Variants in ALPK3 observed in about 807,000 individuals in gnomAD.
The protein encoded by ALPK3 is alpha kinase 3.
A neutral mutation model predicts 140.0 loss-of-function variants in ALPK3; 102 were observed. That is an observed-to-expected ratio of 0.73 (90% CI 0.62 to 0.86). The LOEUF (loss-of-function observed/expected upper bound fraction) is 0.86, where lower values mean the gene tolerates loss of function less well. Ranked by LOEUF, ALPK3 falls within the 40% of genes least tolerant of loss-of-function variation. ALPK3 has a pLI of 0.00. For synonymous variants in ALPK3, 938 were observed against 898.5 expected (o/e 1.04, Z -0.79); for missense variants, 2,254 against 2,208.2 (o/e 1.02, Z -0.42).
At chr15:84,858,829 G>A (rs577002179) in intron 6 of ALPK3, among the ~76,000 whole-genome samples, 49 of 152,200 alleles carry the variant, frequency 3.2e-4, no homozygotes, top group Admixed American at 2.2e-3. Context: ...CACAGGGCCT[G>A]GCTTTAGTAG....
At chr15:84,850,468 C>T (rs553067635) in intron 5 of ALPK3, among the ~76,000 whole-genome samples, 29 of 152,232 alleles carry the variant, frequency 1.9e-4, no homozygotes, top group Middle Eastern at 3.4e-3. Context: ...ACTGCAGCCT[C>T]GAACTCCTGG....
chr15:84,841,461 C>A lies in ALPK3; in HGVS notation c.1653+529C>A, dbSNP rs578138395. ...TCTGACTGCCTTAACATGGCGTGAT[C>A]TAGAGCAAGTTGTAAAACTGGAAGA... On this transcript the variant is annotated intron_variant, in intron 5 of 13. Coordinates refer to ENST00000258888, the MANE Select transcript of ALPK3 (RefSeq NM_020778.5). Among the ~76,000 whole-genome samples the A allele has an allele frequency of 2.6e-5, 4 of 152,326 alleles. No individual in the cohort carries two copies. The South Asian group carries it at 8.3e-4, about 32-fold the overall frequency.
chr15:84,840,724 G>T lies in ALPK3; in HGVS notation c.1445G>T (p.Arg482Ile), dbSNP rs752241199. 6.2e-7 allele frequency: 1 copy of T among 1,613,834 alleles called. No homozygotes were observed. The highest frequency in any genetic ancestry group is 8.5e-7 in the Non-Finnish European group (1 of 1,179,884). Reference sequence around the variant, plus strand: ...CCGACTAGGCCTTTCAACAGAAAGAGATTTGCCCCTCCAAAGCCCAAAGGA... The same window carrying T: ...CCGACTAGGCCTTTCAACAGAAAGATATTTGCCCCTCCAAAGCCCAAAGGA... ...PQPTRPFNRKRFAPPKPKGEA... is the reference protein window; with the variant it reads ...PQPTRPFNRKIFAPPKPKGEA... The change falls in exon 5 of 14, where the codon AGA becomes ATA. Residue 482 changes from arginine to isoleucine, a missense_variant. By Grantham distance (97) the Arg-to-Ile change is moderately conservative. This residue lies in a region of ALPK3 where 2,088 missense variants were observed against 2,022.9 expected (regional missense o/e 1.03). Coordinates refer to ENST00000258888, the MANE Select transcript of ALPK3 (RefSeq NM_020778.5).
Position 84,872,360 on chromosome 15 carries a change from C to T in ALPK3, c.*3904C>T, listed in dbSNP as rs748866974. The stretch of plus-strand genomic sequence containing the variant: ...CTATGTATGGCTCCGCGGTATGCCA[C>T]CCATGGAAAGACACCTCATGCACCA... On this transcript the variant is annotated 3_prime_UTR_variant, in exon 14 of 14. Transcript: ENST00000258888. 1 of 152,222 alleles carries T rather than the reference C, an allele frequency of 6.6e-6. No individual in the cohort carries two copies. Among genetic ancestry groups the T allele is most frequent in the Non-Finnish European group, 1.5e-5 (1 of 68,050 alleles). The allele number at this position is 152,222 out of a possible 1,614,324, so 9.4% of individuals were successfully genotyped here.
At chr15:84,865,999 GC>G (rs1229381861) in intron 12 of ALPK3, among the ~76,000 whole-genome samples, 1 of 152,166 alleles carries the variant, frequency 6.6e-6, no homozygotes, top group Non-Finnish European at 1.5e-5. Context: ...TTCTCTTCTA[GC>G]TGAGTCTGTT....
intron 13 of ALPK3, 93 bp from the exon 14 acceptor site, chr15:84,868,018 C>T (rs888187312): frequency 1.6e-5 from 20 of 1,288,798 alleles, no homozygotes; most frequent in Admixed American, 4.2e-5. Flanking sequence ...ACCCTGAGCA[C>T]GACATCCTGA....
chr15:84,830,264 G>A (rs1168174773), intron 3 of ALPK3, among the ~76,000 whole-genome samples: 1 of 143,914 alleles, frequency 6.9e-6, no homozygotes, highest in African/African-American at 2.4e-5. Flanking sequence ...TCTTTTATCT[G>A]AACTGCTAGG....
At chr15:84,842,607 G>T (rs1428696445) in intron 5 of ALPK3, among the ~76,000 whole-genome samples, 1 of 152,172 alleles carries the variant, frequency 6.6e-6, no homozygotes, top group African/African-American at 2.4e-5. Flanking sequence ...AACAGGAGGG[G>T]CTTTCCCATG....
chr15:84,859,230 GC>G lies in ALPK3; in HGVS notation c.3818-10del, dbSNP rs771713402. 6.8e-6 allele frequency: 11 copies of G among 1,613,726 alleles called. No individual in the cohort carries two copies. Among genetic ancestry groups the G allele is most frequent in the Non-Finnish European group, 9.3e-6 (11 of 1,179,964 alleles). On this transcript the variant is annotated splice_polypyrimidine_tract_variant and intron_variant, in intron 6 of 13. Transcript: ENST00000258888. The stretch of plus-strand genomic sequence containing the variant: ...GAGGTGGTGTTCCCCTCTTGACTGG[GC>G]CCTGCTCTCAGCCCCACAGGTGATC...
rs1964066396 is a variant in ALPK3, at chr15:84,871,187, A to T, written c.*2731A>T. On this transcript the variant is annotated 3_prime_UTR_variant, in exon 14 of 14. Coordinates refer to ENST00000258888, the MANE Select transcript of ALPK3 (RefSeq NM_020778.5). ...TTTCTAGAACTGGTCATGAGAACTC[A>T]TGTTTATGATGATGGACTTTTGATC... 6.6e-6 allele frequency: 1 copy of T among 152,606 alleles called. No homozygotes were observed. Among genetic ancestry groups the T allele is most frequent in the Non-Finnish European group, 1.5e-5 (1 of 68,036 alleles). The allele number at this position is 152,606 out of a possible 1,614,324, so 9.5% of individuals were successfully genotyped here. A position where few individuals can be genotyped will look rare whatever the true frequency, so the allele number is the denominator to read the frequency against.
chr15:84,860,039 T>A lies in ALPK3; in HGVS notation c.4096T>A (p.Leu1366Met), dbSNP rs777438509. Residue 1366 changes from leucine (L) to methionine (M), a missense_variant and splice_region_variant, in exon 9 of 14, where the codon TTG becomes ATG. Leu to Met is a conservative substitution (Grantham distance 15, BLOSUM62 2). Around this residue, in one of 3 missense-constraint regions of ALPK3, gnomAD observed 2,088 missense variants for 2,022.9 expected, o/e 1.03. Transcript: ENST00000258888. ...CTTTCTTCTTTTTCTGTATCTAGTG[T>A]TGTCAGGATTCATCTCCAGAGAAGA... ...STDFCLSPEV[L>M]SGFISREEGE... 6.9e-5 allele frequency: 112 copies of A among 1,613,974 alleles called. No individual in the cohort carries two copies. Among genetic ancestry groups the A allele is most frequent in the Non-Finnish European group, 9.1e-5 (107 of 1,180,014 alleles).
intron 5 of ALPK3, among the ~76,000 whole-genome samples, chr15:84,853,520 A>G (rs745870378): frequency 3.3e-5 from 5 of 152,236 alleles, no homozygotes; most frequent in Non-Finnish European, 5.9e-5. Context: ...AGGCTAAGGC[A>G]GGAGAATTGC....
intron 5 of ALPK3, among the ~76,000 whole-genome samples, chr15:84,845,929 A>G (rs1963725834): frequency 6.6e-6 from 1 of 152,168 alleles, no homozygotes; most frequent in Non-Finnish European, 1.5e-5. Flanking sequence ...GCATAGTGGC[A>G]CATGCCTGTA....
intron 9 of ALPK3, 30 bp downstream of exon 9, chr15:84,860,102 G>T (rs1046756161): frequency 6.2e-7 from 1 of 1,613,330 alleles, no homozygotes; most frequent in African/African-American, 1.3e-5. Flanking sequence ...AAGGCGGGGT[G>T]GTCCTACCCC....
chr15:84,841,329 G>A, intron 5 of ALPK3, among the ~76,000 whole-genome samples: 1 of 152,180 alleles, frequency 6.6e-6, no homozygotes. Context: ...TACAGCAGGT[G>A]GCAACTTGGC....
intron 5 of ALPK3, among the ~76,000 whole-genome samples, chr15:84,846,494 G>T (rs1260241229): frequency 6.6e-6 from 1 of 152,108 alleles, no homozygotes; most frequent in Non-Finnish European, 1.5e-5. Flanking sequence ...GACTAGGCTG[G>T]GGAACATGGC....
rs776664645 is a variant in ALPK3 at position 84,864,540 on chromosome 15, G to A, written c.4598G>A (p.Arg1533Gln). Residue 1533 changes from arginine (R) to glutamine (Q), a missense_variant, in exon 12 of 14, where the codon CGG (arginine) becomes CAG (glutamine). Around this residue, in one of 3 missense-constraint regions of ALPK3, gnomAD observed 2,088 missense variants for 2,022.9 expected, o/e 1.03. Coordinates refer to ENST00000258888, the MANE Select transcript of ALPK3 (RefSeq NM_020778.5). ...LGKPLESYCS[R>Q]EWGCAEAPTA... ...AAGCCCCTGGAGTCTTACTGTTCTC[G>A]GGAATGGGGCTGTGCTGAGGCTCCG... The A allele has an allele frequency of 8.1e-6, 13 of 1,614,082 alleles. No individual in the cohort carries two copies. The East Asian group carries it at 8.9e-5, about 11-fold the overall frequency.
Position 84,872,620 on chromosome 15 carries a change from A to G in ALPK3, c.*4164A>G, listed in dbSNP as rs1259956651. 6.6e-6 allele frequency: 1 copy of G among 152,186 alleles called. No individual in the cohort carries two copies. Among genetic ancestry groups the G allele is most frequent in the African/African-American group, 2.4e-5 (1 of 41,450 alleles). The allele number at this position is 152,186 out of a possible 1,614,324, so 9.4% of individuals were successfully genotyped here. A position where few individuals can be genotyped will look rare whatever the true frequency, so the allele number is the denominator to read the frequency against. On this transcript the variant is annotated 3_prime_UTR_variant, in exon 14 of 14. Transcript: ENST00000258888. ...CCTACATTGTGAAGGAAACATTCTG[A>G]CCTCAAACAGATCCCTCAACCCCAG... is the stretch of plus-strand genomic sequence containing the variant.
intron 2 of ALPK3, among the ~76,000 whole-genome samples, 200 bp downstream of exon 2, chr15:84,823,568 A>G (rs1463849699): frequency 6.6e-6 from 1 of 152,112 alleles, no homozygotes; most frequent in South Asian, 2.1e-4. Context: ...TGCATGGGCC[A>G]TTTGAGATGG....
Sources: gnomAD v4.1 joint callset for allele counts (sites outside exome capture counted in the v4.1 genomes callset) on GRCh38, gnomAD v4.1.1 for gene constraint, gnomAD v4.1.1 regional missense constraint, MANE v1.5 for transcripts, NCBI Gene and HGNC (gene_info 2026-07-23, HGNC 2026-07-21) for gene names.